Variants in DAB1 observed in about 807,000 individuals in gnomAD.
DAB1 encodes the protein disabled homolog 1.
DAB1 carries 15 observed loss-of-function variants against 64.6 expected under a neutral mutation model. The ratio of observed to expected loss-of-function variants is 0.23; its 90% CI spans 0.16 to 0.36. DAB1 has a LOEUF of 0.36. DAB1 is among the 10% of genes least tolerant of loss of function. The pLI is 1.00. For synonymous variants in DAB1, 235 were observed against 251.9 expected, an observed-to-expected ratio of 0.93 and a Z score of 0.64; for missense variants, 596 against 706.7, an observed-to-expected ratio of 0.84 and a Z score of 1.78.
upstream of DAB1, among the ~76,000 whole-genome samples, chr1:57,888,321 T>G (rs1644256589): frequency 6.6e-6 from 1 of 152,118 alleles, no homozygotes; most frequent in African/African-American, 2.4e-5. Flanking sequence ...TAGGTCCCTT[T>G]GTGTAAAGAA....
At chr1:57,847,402 A>T (rs1653338214) in intron 1 of DAB1, among the ~76,000 whole-genome samples, 1 of 151,418 alleles carries the variant, frequency 6.6e-6, no homozygotes, top group African/African-American at 2.5e-5. Flanking sequence ...AAGACCAAAC[A>T]TATCAGTTAT....
chr1:58,232,118 A>T (rs149404368), intron 4 of DAB1, among the ~76,000 whole-genome samples: 1 of 152,332 alleles, frequency 6.6e-6, no homozygotes, highest in East Asian at 1.9e-4. Flanking sequence ...TTCAGGAAAC[A>T]GCATGTTCAG....
intron 9 of DAB1, among the ~76,000 whole-genome samples, chr1:57,030,756 T>C (rs706364): frequency 0.43 from 65,193 of 152,076 alleles, 14,112 homozygotes; most frequent in Middle Eastern, 0.52. Flanking sequence ...TAATCCTTCT[T>C]TAGCACGTTA....
At chr1:57,144,738 C>T (rs1658948334) in intron 3 of DAB1, among the ~76,000 whole-genome samples, 1 of 151,600 alleles carries the variant, frequency 6.6e-6, no homozygotes, top group Non-Finnish European at 1.5e-5. Flanking sequence ...TTCTTAGATT[C>T]CTCAGAGAAA....
intron 5 of DAB1, among the ~76,000 whole-genome samples, chr1:58,147,105 G>C (rs548799314): frequency 6.6e-6 from 1 of 152,058 alleles, no homozygotes; most frequent in African/African-American, 2.4e-5. Context: ...TCAGGAGTTT[G>C]AGACCAACCT....
intron 2 of DAB1, among the ~76,000 whole-genome samples, chr1:57,254,672 G>A (rs1363557163): frequency 1.3e-5 from 2 of 152,076 alleles, no homozygotes; most frequent in African/African-American, 4.8e-5. Context: ...TCCAGTAACT[G>A]TCTAGGTTAT....
At position 56,995,843 on chromosome 1, in the gene DAB1, A is replaced by C. The variant is rs775750184; in HGVS notation, c.*2301T>G. 2.6e-5 allele frequency: 4 copies of C among 152,132 alleles called. No homozygotes were observed. Among genetic ancestry groups the C allele is most frequent in the African/African-American group, 4.8e-5 (2 of 41,440 alleles). 9.4% of individuals were successfully genotyped at this position (152,132 alleles called of 1,614,324 possible). A position where few individuals can be genotyped will look rare whatever the true frequency, so the allele number is the denominator to read the frequency against. ...TCAGGCCAACTCTTATGGTCATTCC[A>C]CCTTTCCCATCTTCCCGTTCATGTG... is the stretch of plus-strand genomic sequence containing the variant. On this transcript the variant is annotated 3_prime_UTR_variant, in exon 15 of 15. Coordinates refer to ENST00000371236, the MANE Select transcript of DAB1 (RefSeq NM_001365792.1).
At chr1:57,191,298 G>A (rs965922226) in intron 2 of DAB1, among the ~76,000 whole-genome samples, 1 of 152,152 alleles carries the variant, frequency 6.6e-6, no homozygotes, top group African/African-American at 2.4e-5. Flanking sequence ...CACCTGAGAG[G>A]CCTCACAGTA....
chr1:57,427,215 G>A (rs916548447), upstream of DAB1, among the ~76,000 whole-genome samples: 9 of 152,158 alleles, frequency 5.9e-5, no homozygotes, highest in Admixed American at 3.9e-4. Flanking sequence ...GGTAAACATT[G>A]ATTCTCTTCC....
At chr1:57,229,103 T>C (rs1307405500) in intron 2 of DAB1, among the ~76,000 whole-genome samples, 1 of 152,132 alleles carries the variant, frequency 6.6e-6, no homozygotes, top group African/African-American at 2.4e-5. Flanking sequence ...TTAGAAACAT[T>C]AAACACAAAA....
intron 7 of DAB1, among the ~76,000 whole-genome samples, chr1:57,440,652 T>C (rs1295967265): frequency 6.6e-6 from 1 of 152,190 alleles, no homozygotes; most frequent in Non-Finnish European, 1.5e-5. Flanking sequence ...CGTTCATAGC[T>C]CTTGTCTGCC....
chr1:57,667,140 C>G (rs558773811), intron 6 of DAB1, among the ~76,000 whole-genome samples: 6 of 152,168 alleles, frequency 3.9e-5, no homozygotes, highest in Non-Finnish European at 8.8e-5. Context: ...TAATCACAAA[C>G]AAATTCTTCC....
intron 7 of DAB1, among the ~76,000 whole-genome samples, chr1:57,446,615 A>AAG (rs1426893928): frequency 1.3e-5 from 2 of 151,744 alleles, no homozygotes; most frequent in East Asian, 3.9e-4. Flanking sequence ...AAAAAAAAAA[A>AAG]ATTTAGAGAA....
intron 1 of DAB1, among the ~76,000 whole-genome samples, chr1:57,832,068 A>G (rs1297888757): frequency 1.3e-5 from 2 of 152,224 alleles, no homozygotes; most frequent in African/African-American, 2.4e-5. Context: ...ATACACTTGC[A>G]TATGTACACG....
intron 3 of DAB1, among the ~76,000 whole-genome samples, chr1:58,380,158 C>T (rs1197236391): frequency 6.6e-6 from 1 of 152,170 alleles, no homozygotes; most frequent in Non-Finnish European, 1.5e-5. Flanking sequence ...TGTGTCCTCA[C>T]CCAAACCTCA....
intron 4 of DAB1, among the ~76,000 whole-genome samples, chr1:58,336,259 T>C (rs552787515): frequency 5.9e-4 from 90 of 152,290 alleles, no homozygotes; most frequent in South Asian, 3.1e-3. Context: ...GGTCTAGGCT[T>C]GCATCTTGTT....
intron 11 of DAB1, among the ~76,000 whole-genome samples, chr1:57,015,885 C>T (rs1646414734): frequency 6.6e-6 from 1 of 152,196 alleles, no homozygotes; most frequent in Non-Finnish European, 1.5e-5. Context: ...CCTTCCTTCA[C>T]AGGACTTAGG....
intron 9 of DAB1, chr1:57,033,372 C>G: frequency 6.2e-7 from 1 of 1,612,758 alleles, no homozygotes; most frequent in Middle Eastern, 1.6e-4. Flanking sequence ...TTAACACAAA[C>G]CTCAAGGCCT....
chr1:58,266,220 G>A (rs1410625862), intron 4 of DAB1, among the ~76,000 whole-genome samples: 2 of 152,110 alleles, frequency 1.3e-5, no homozygotes, highest in African/African-American at 4.8e-5. Context: ...GAACAAATAC[G>A]GCCTAGCATC....
Sources: allele counts gnomAD v4.1 joint callset (sites outside exome capture counted in the v4.1 genomes callset), GRCh38; gene constraint gnomAD v4.1.1; transcripts MANE v1.5; gene names NCBI Gene and HGNC (gene_info 2026-07-23, HGNC 2026-07-21).